MAGI2: variants seen among roughly 807,000 people sequenced by gnomAD.
MAGI2 encodes membrane associated guanylate kinase, WW and PDZ domain containing 2, also known as membrane-associated guanylate kinase, WW and PDZ domain-containing protein 2.
A neutral mutation model predicts 133.3 loss-of-function variants in MAGI2; 35 were observed. That is an observed-to-expected ratio of 0.26 (90% CI 0.20 to 0.35). MAGI2 has a LOEUF of 0.35. Ranked by LOEUF, MAGI2 falls within the 10% of genes least tolerant of loss-of-function variation. The pLI is 1.00. For missense variants in MAGI2, 1,636 were observed against 1,863.4 expected (o/e 0.88, Z 2.25); for synonymous variants, 729 against 710.6 (o/e 1.03, Z -0.41).
intron 2 of MAGI2, among the ~76,000 whole-genome samples, chr7:78,767,862 A>G (rs2151313138): frequency 6.6e-6 from 1 of 152,350 alleles, no homozygotes; most frequent in Admixed American, 6.5e-5. Flanking sequence ...TTATTTCCAA[A>G]TGTGAATTTT....
At chr7:78,483,462 C>T (rs931208194) in intron 6 of MAGI2, among the ~76,000 whole-genome samples, 10 of 151,634 alleles carry the variant, frequency 6.6e-5, no homozygotes, top group Non-Finnish European at 1.2e-4. Flanking sequence ...ATCATTGGTG[C>T]AGGAAGGATA....
At chr7:78,445,724 T>C (rs1292911914) in intron 6 of MAGI2, among the ~76,000 whole-genome samples, 11 of 152,006 alleles carry the variant, frequency 7.2e-5, no homozygotes. Flanking sequence ...ATTTTTTAGA[T>C]CCATCTCTTT....
intron 10 of MAGI2, among the ~76,000 whole-genome samples, chr7:78,210,524 C>T (rs538864738): frequency 1.3e-5 from 2 of 152,162 alleles, no homozygotes; most frequent in South Asian, 4.2e-4. Flanking sequence ...CAAAATAAGT[C>T]GGAGGTGCCT....
At chr7:78,164,077 C>A (rs995933818) in intron 15 of MAGI2, among the ~76,000 whole-genome samples, 5 of 152,130 alleles carry the variant, frequency 3.3e-5, no homozygotes, top group African/African-American at 9.7e-5. Context: ...CTGCCCACTC[C>A]CCAAGACCTC....
chr7:78,900,394 C>T (rs1489531040), intron 2 of MAGI2, among the ~76,000 whole-genome samples: 3 of 152,138 alleles, frequency 2.0e-5, no homozygotes, highest in Admixed American at 1.3e-4. Flanking sequence ...CCCCAGCTTC[C>T]TCTCTGACTT....
chr7:78,591,190 A>G (rs1244263799), intron 3 of MAGI2, among the ~76,000 whole-genome samples: 2 of 152,200 alleles, frequency 1.3e-5, no homozygotes, highest in Admixed American at 1.3e-4. Context: ...GCTTTGGGAG[A>G]TTTTACATGA....
At chr7:79,426,440 C>A (rs1847376622) in intron 1 of MAGI2, among the ~76,000 whole-genome samples, 1 of 152,064 alleles carries the variant, frequency 6.6e-6, no homozygotes, top group African/African-American at 2.4e-5. Context: ...CTATGCCAAT[C>A]TAAAGGTAAA....
intron 2 of MAGI2, among the ~76,000 whole-genome samples, chr7:78,673,318 C>T (rs1437413370): frequency 6.6e-6 from 1 of 151,962 alleles, no homozygotes; most frequent in African/African-American, 2.4e-5. Context: ...AGCACACACA[C>T]ATATGTATAT....
chr7:79,250,516 G>T (rs1307315032), intron 1 of MAGI2, among the ~76,000 whole-genome samples: 1 of 151,956 alleles, frequency 6.6e-6, no homozygotes, highest in Non-Finnish European at 1.5e-5. Context: ...AAATGGAATG[G>T]AATAAAATAT....
chr7:78,844,461 A>G (rs925446541), intron 2 of MAGI2, among the ~76,000 whole-genome samples: 12 of 151,974 alleles, frequency 7.9e-5, no homozygotes, highest in African/African-American at 2.9e-4. Context: ...ACAATGGAGT[A>G]TTATTTAACT....
chr7:79,005,721 C>T (rs1807367565), intron 2 of MAGI2, among the ~76,000 whole-genome samples: 1 of 152,180 alleles, frequency 6.6e-6, no homozygotes, highest in African/African-American at 2.4e-5. Context: ...CTGACAACAT[C>T]ATAGCTTTGA....
chr7:79,297,736 T>C (rs993788006), intron 1 of MAGI2, among the ~76,000 whole-genome samples: 14 of 152,198 alleles, frequency 9.2e-5, no homozygotes, highest in African/African-American at 3.4e-4. Context: ...GTGCGGGTAT[T>C]TTTTAGATAG....
At chr7:79,131,820 T>G (rs1312590830) in intron 1 of MAGI2, among the ~76,000 whole-genome samples, 1 of 152,174 alleles carries the variant, frequency 6.6e-6, no homozygotes, top group African/African-American at 2.4e-5. Flanking sequence ...AATCATTTAT[T>G]TCTATTACGA....
intron 9 of MAGI2, among the ~76,000 whole-genome samples, chr7:78,316,343 G>C (rs918367768): frequency 2.0e-5 from 3 of 152,144 alleles, no homozygotes; most frequent in Admixed American, 6.6e-5. Flanking sequence ...GATACAGTGA[G>C]TTCCTGCCCT....
intron 1 of MAGI2, among the ~76,000 whole-genome samples, chr7:79,105,613 C>T (rs982754918): frequency 2.0e-5 from 3 of 152,154 alleles, no homozygotes; most frequent in African/African-American, 4.8e-5. Flanking sequence ...TCTGTCCTAC[C>T]ACCAGCTGTT....
intron 15 of MAGI2, 138 bp downstream of exon 15, chr7:78,167,778 T>C: frequency 1.3e-6 from 1 of 781,288 alleles, no homozygotes; most frequent in Non-Finnish European, 2.0e-6. Context: ...ATCATTACTT[T>C]TGGAATATCT....
chr7:78,070,218 T>TATACAC (rs1453553515), intron 21 of MAGI2, among the ~76,000 whole-genome samples: 1 of 52,294 alleles, frequency 1.9e-5, no homozygotes, highest in African/African-American at 4.7e-5. Context: ...TATATATATA[T>TATACAC]ACACACACAC....
intron 1 of MAGI2, among the ~76,000 whole-genome samples, chr7:79,409,126 AAAAT>A (rs1193346393): frequency 6.6e-6 from 1 of 152,218 alleles, no homozygotes; most frequent in East Asian, 1.9e-4. Flanking sequence ...CTGAGGGGAA[AAAAT>A]AAATTCATTA....
intron 1 of MAGI2, among the ~76,000 whole-genome samples, chr7:79,235,597 A>G (rs530585435): frequency 3.9e-5 from 6 of 152,094 alleles, no homozygotes; most frequent in Non-Finnish European, 8.8e-5. Context: ...TCGGAAAGGG[A>G]ACTCCCCGAC....
Sources: allele counts gnomAD v4.1 joint callset (sites outside exome capture counted in the v4.1 genomes callset), GRCh38; gene constraint gnomAD v4.1.1; transcripts MANE v1.5; gene names NCBI Gene and HGNC (gene_info 2026-07-23, HGNC 2026-07-21).